The following CAPSL variants were observed in gnomAD, a reference collection of about 807,000 sequenced individuals.
The protein encoded by CAPSL is calcyphosin-like protein.
A neutral mutation model predicts 21.3 loss-of-function variants in CAPSL; 17 were observed. The observed-to-expected ratio is 0.80, with a 90% CI of 0.55 to 1.20. CAPSL has a LOEUF of 1.20. Ranked by LOEUF, CAPSL falls within the 50% of genes most tolerant of loss-of-function variation. The pLI is 0.00. For missense variants in CAPSL, 289 were observed against 259.3 expected, an observed-to-expected ratio of 1.11 and a Z score of -0.79; for synonymous variants, 102 against 89.3, an observed-to-expected ratio of 1.14 and a Z score of -0.80.
At chr5:35,907,821 C>A (rs981021884) in intron 4 of CAPSL, among the ~76,000 whole-genome samples, 3 of 152,212 alleles carry the variant, frequency 2.0e-5, no homozygotes, top group Non-Finnish European at 4.4e-5. Context: ...CACAAGCAAT[C>A]TTAATATGCA....
intron 1 of CAPSL, among the ~76,000 whole-genome samples, chr5:35,936,691 A>G (rs140716815): frequency 1.5e-3 from 228 of 152,148 alleles, no homozygotes; most frequent in Admixed American, 3.5e-3. Flanking sequence ...GATCTGTCCT[A>G]TTTTGTTTCT....
rs112390181 is a variant in CAPSL at position 35,935,160 on chromosome 5, C to T, written c.-1+3381G>A. ...GAATGTTGCCTCAGAGATGTACTCT[C>T]CATTTCAAGTGGTGTCATCAATCTG... is the stretch of plus-strand genomic sequence containing the variant. On this transcript the variant is annotated intron_variant, in intron 1 of 4. Transcript: ENST00000651391. 5.9e-5 allele frequency among the ~76,000 whole-genome samples: 9 copies of T among 152,258 alleles called. No homozygotes were observed. In the South Asian group the frequency reaches 1.5e-3, roughly 25 times the overall value.
chr5:35,920,966 C>CCT lies in CAPSL; in HGVS notation c.137+17_137+18insAG. 2 of 1,612,448 alleles carry CCT rather than the reference C, an allele frequency of 1.2e-6. No homozygotes were observed. Among genetic ancestry groups the CCT allele is most frequent in the Non-Finnish European group, 1.7e-6 (2 of 1,179,322 alleles). Reference sequence around the variant, plus strand: ...TTCCTTCCCGCTCCATTCCCTGCCACTTGTAGCTGGGTCCTACCTGCCAAG... The same window carrying CCT: ...TTCCTTCCCGCTCCATTCCCTGCCACCTTTGTAGCTGGGTCCTACCTGCCAAG... On this transcript the variant is annotated intron_variant, in intron 2 of 4. Coordinates refer to ENST00000651391, the MANE Select transcript of CAPSL (RefSeq NM_001042625.2).
intron 1 of CAPSL, among the ~76,000 whole-genome samples, chr5:35,930,504 G>A (rs1028582905): frequency 2.6e-5 from 4 of 152,158 alleles, no homozygotes; most frequent in African/African-American, 7.2e-5. Flanking sequence ...GTTTAAAGAG[G>A]CACACAGTCT....
chr5:35,915,576 A>T (rs1490094862), intron 2 of CAPSL, among the ~76,000 whole-genome samples: 2 of 152,220 alleles, frequency 1.3e-5, no homozygotes, highest in African/African-American at 4.8e-5. Flanking sequence ...CAATAAATGT[A>T]ATCCAGCATA....
chr5:35,920,318 T>C (rs1227626777), intron 2 of CAPSL, among the ~76,000 whole-genome samples: 2 of 152,334 alleles, frequency 1.3e-5, no homozygotes, highest in East Asian at 3.9e-4. Flanking sequence ...AGAAGCCTTG[T>C]TCACCCACGG....
At chr5:35,912,765 CAG>C (rs1005152330) in intron 2 of CAPSL, among the ~76,000 whole-genome samples, 24 of 152,292 alleles carry the variant, frequency 1.6e-4, no homozygotes, top group African/African-American at 5.5e-4. Flanking sequence ...GGGGAAAAAA[CAG>C]AGCAGAAAAA....
rs77462793 is a variant in CAPSL at position 35,923,112 on chromosome 5, C to T, written c.1-1992G>A. Among the ~76,000 whole-genome samples, 952 of 152,322 alleles carry T rather than the reference C, an allele frequency of 6.2e-3. 16 individuals are homozygous for T. The highest frequency in any genetic ancestry group is 0.057 in the East Asian group (293 of 5,180). On this transcript the variant is annotated intron_variant, in intron 1 of 4. Coordinates refer to ENST00000651391, the MANE Select transcript of CAPSL (RefSeq NM_001042625.2). ...CTTGACCTTGCTTCATGATACTTGCCCAATGGCTGTCCCCAGCCACTCACC... is the reference window on the plus strand; with the variant it reads ...CTTGACCTTGCTTCATGATACTTGCTCAATGGCTGTCCCCAGCCACTCACC...
chr5:35,918,666 C>A (rs1205702442), intron 2 of CAPSL, among the ~76,000 whole-genome samples: 1 of 151,976 alleles, frequency 6.6e-6, no homozygotes, highest in Non-Finnish European at 1.5e-5. Context: ...TTTAAATGTC[C>A]TTAAATGCTA....
chr5:35,928,094 C>T (rs1458598256), intron 1 of CAPSL, among the ~76,000 whole-genome samples: 2 of 152,092 alleles, frequency 1.3e-5, no homozygotes, highest in South Asian at 2.1e-4. Flanking sequence ...TCAGATGGTA[C>T]CTTGAACTAT....
At chr5:35,908,583 G>A (rs1738099110) in intron 4 of CAPSL, among the ~76,000 whole-genome samples, 1 of 152,176 alleles carries the variant, frequency 6.6e-6, no homozygotes, top group Admixed American at 6.5e-5. Flanking sequence ...CCACAAAGGG[G>A]TGGGCTAATT....
chr5:35,918,415 A>C (rs1392945473), intron 2 of CAPSL, among the ~76,000 whole-genome samples: 1 of 152,190 alleles, frequency 6.6e-6, no homozygotes, highest in Admixed American at 6.5e-5. Context: ...CAATGAGATT[A>C]CGTGGACACA....
intron 2 of CAPSL, among the ~76,000 whole-genome samples, chr5:35,920,736 T>C (rs1363855528): frequency 6.6e-6 from 1 of 152,238 alleles, no homozygotes; most frequent in African/African-American, 2.4e-5. Context: ...CTTCTCCCTT[T>C]ACCTCATATT....
chr5:35,918,131 C>A lies in CAPSL; in HGVS notation c.137+2853G>T, dbSNP rs940519695. On this transcript the variant is annotated intron_variant, in intron 2 of 4. Coordinates refer to ENST00000651391, the MANE Select transcript of CAPSL (RefSeq NM_001042625.2). Reference sequence around the variant, plus strand: ...GATATATACCTAAAGGATTATAGATCTTTCTACTGTAAAGACACTTGCACA... The same window carrying A: ...GATATATACCTAAAGGATTATAGATATTTCTACTGTAAAGACACTTGCACA... Among the ~76,000 whole-genome samples, 5 of 152,306 alleles carry A rather than the reference C, an allele frequency of 3.3e-5. No individual in the cohort carries two copies. The South Asian group carries it at 8.3e-4, about 25-fold the overall frequency.
chr5:35,913,572 A>AATTTTCAACAC (rs1738290364), intron 2 of CAPSL, among the ~76,000 whole-genome samples: 1 of 152,178 alleles, frequency 6.6e-6, no homozygotes, highest in African/African-American at 2.4e-5. Flanking sequence ...AAAAGAAAAG[A>AATTTTCAACAC]ATTTTCAACA....
At chr5:35,931,130 G>T (rs1738810752) in intron 1 of CAPSL, among the ~76,000 whole-genome samples, 1 of 152,136 alleles carries the variant, frequency 6.6e-6, no homozygotes, top group African/African-American at 2.4e-5. Flanking sequence ...TGTTGGTCAG[G>T]TCTTCAGTCA....
At chr5:35,914,919 G>A (rs1469070103) in intron 2 of CAPSL, among the ~76,000 whole-genome samples, 1 of 152,104 alleles carries the variant, frequency 6.6e-6, no homozygotes, top group Non-Finnish European at 1.5e-5. Context: ...TTAAATCCAG[G>A]AGCTGGTTAT....
At chr5:35,911,322 G>T (rs1738216076) in intron 2 of CAPSL, among the ~76,000 whole-genome samples, 1 of 152,222 alleles carries the variant, frequency 6.6e-6, no homozygotes, top group African/African-American at 2.4e-5. Context: ...CAATGGAGAA[G>T]TCTGACAAAT....
intron 2 of CAPSL, among the ~76,000 whole-genome samples, chr5:35,914,959 C>T (rs1466404594): frequency 6.6e-6 from 1 of 152,054 alleles, no homozygotes; most frequent in Non-Finnish European, 1.5e-5. Flanking sequence ...TGATAGAACT[C>T]TAGCAAGACT....
Sources: gnomAD v4.1 joint callset for allele counts (sites outside exome capture counted in the v4.1 genomes callset) on GRCh38, gnomAD v4.1.1 for gene constraint, MANE v1.5 for transcripts, NCBI Gene and HGNC (gene_info 2026-07-23, HGNC 2026-07-21) for gene names.